Variants in CCNF observed in about 807,000 individuals in gnomAD.
CCNF encodes cyclin-F.
CCNF carries 30 observed loss-of-function variants against 85.4 expected under a neutral mutation model. The ratio of observed to expected loss-of-function variants is 0.35; its 90% CI spans 0.26 to 0.48. The LOEUF is 0.48. Among genes scored for constraint, CCNF ranks in the 20% least tolerant of loss-of-function variants. CCNF has a pLI of 0.99. For synonymous variants in CCNF, 439 were observed against 425.1 expected, an observed-to-expected ratio of 1.03 and a Z score of -0.40; for missense variants, 919 against 1,010.4, an observed-to-expected ratio of 0.91 and a Z score of 1.23.
chr16:2,433,196 C>T, intron 3 of CCNF, 129 bp downstream of exon 3: 1 of 618,206 alleles, frequency 1.6e-6, no homozygotes, highest in Non-Finnish European at 2.9e-6. Context: ...GCCTCATACC[C>T]TGGGGAGTGA....
chr16:2,455,261 T>G (rs74622580), intron 15 of CCNF, 134 bp from the exon 16 acceptor site: 1 of 1,211,236 alleles, frequency 8.3e-7, no homozygotes, highest in Non-Finnish European at 1.1e-6. Flanking sequence ...CACCGGCATC[T>G]TCTTCGTAGC....
At position 2,451,085 on chromosome 16, in the gene CCNF, G is replaced by A. The variant is rs915185901; in HGVS notation, c.1487+1170G>A. On this transcript the variant is annotated intron_variant, in intron 13 of 16. Transcript: ENST00000397066. This position sits in a 1 kb window ranked among gnomAD's most constrained non-coding sequence, Gnocchi z 4.3. The stretch of plus-strand genomic sequence containing the variant: ...TCGCCACATCTAAGCCCCTTCACTC[G>A]CCCTGGCAGCTTCCCTTCAGCCCAC... 3.3e-5 allele frequency among the ~76,000 whole-genome samples: 5 copies of A among 152,178 alleles called. No individual in the cohort carries two copies. Among genetic ancestry groups the A allele is most frequent in the Non-Finnish European group, 7.3e-5 (5 of 68,034 alleles).
At chr16:2,450,642 G>T (rs1382490516) in intron 13 of CCNF, among the ~76,000 whole-genome samples, 1 of 152,148 alleles carries the variant, frequency 6.6e-6, no homozygotes, top group Admixed American at 6.5e-5. Context: ...TCCCTGACCC[G>T]TGGTAACTTG....
At chr16:2,444,501 C>T (rs1381820063) in intron 9 of CCNF, among the ~76,000 whole-genome samples, 2 of 151,038 alleles carry the variant, frequency 1.3e-5, no homozygotes. Context: ...GGGGTTTCAT[C>T]GTATTAGCCA....
chr16:2,446,986 G>A (rs189879148), intron 10 of CCNF, among the ~76,000 whole-genome samples: 1 of 152,304 alleles, frequency 6.6e-6, no homozygotes, highest in Admixed American at 6.5e-5. Flanking sequence ...CCTGCCACAA[G>A]CATCCAGAGC....
intron 8 of CCNF, among the ~76,000 whole-genome samples, chr16:2,441,939 A>T (rs1466927613): frequency 4.1e-5 from 1 of 24,646 alleles, no homozygotes; most frequent in Admixed American, 3.1e-4. Context: ...TTAGCAAATT[A>T]TATATATATA....
chr16:2,442,962 T>C (rs1205393671), intron 8 of CCNF, among the ~76,000 whole-genome samples: 2 of 102,578 alleles, frequency 1.9e-5, no homozygotes, highest in Non-Finnish European at 3.5e-5. Context: ...TATATATTTT[T>C]ATATATTTAT....
In CCNF at chr16:2,433,073, T is replaced by A. The variant is rs753932077; in HGVS notation, c.278+6T>A. 6.3e-7 allele frequency: 1 copy of A among 1,581,830 alleles called. No individual in the cohort carries two copies. ...AACCTGAAGCTCTTTGAAAGGTATC[T>A]CTGCACCCTGAGAATGGCTCAGTCT... On this transcript the variant is annotated splice_donor_region_variant and intron_variant, in intron 3 of 16. Coordinates refer to ENST00000397066, the MANE Select transcript of CCNF (RefSeq NM_001761.3).
intron 10 of CCNF, 76 bp from the exon 11 acceptor site, chr16:2,448,779 A>G: frequency 7.1e-7 from 1 of 1,417,800 alleles, no homozygotes; most frequent in South Asian, 1.2e-5. Context: ...GAGGCCTCCT[A>G]AAGCCTTGGG....
Position 2,449,923 on chromosome 16 carries a change from T to C in CCNF, c.1487+8T>C, listed in dbSNP as rs368874011. The C allele has an allele frequency of 1.6e-4, 251 of 1,606,300 alleles. No homozygotes were observed. The highest frequency in any genetic ancestry group is 6.0e-4 in the Admixed American group (36 of 59,960). ...GAGCCTCCATAAGAAGTGGTGAGTTTTGGCCGGGCGCAGAGGCTCATGCCT... is the reference window on the plus strand; with the variant it reads ...GAGCCTCCATAAGAAGTGGTGAGTTCTGGCCGGGCGCAGAGGCTCATGCCT... On this transcript the variant is annotated splice_region_variant and intron_variant, in intron 13 of 16. Transcript: ENST00000397066.
intron 1 of CCNF, 177 bp from the exon 2 acceptor site, chr16:2,430,953 C>T: frequency 1.3e-6 from 1 of 776,756 alleles, no homozygotes; most frequent in Admixed American, 1.7e-5. Context: ...TGCAATGCCA[C>T]TCCTTTACAT....
chr16:2,445,727 TTG>T lies in CCNF; in HGVS notation c.1094+107_1094+108del. On this transcript the variant is annotated intron_variant, in intron 10 of 16. Transcript: ENST00000397066. ...CTCACTGGTTTGGTTTTGTTTTGTG[TTG>T]TTTTTTTTTTTTTCCCGAGACCAAG... 3.3e-4 allele frequency: 276 copies of T among 839,862 alleles called. 3 individuals carry two copies. The highest frequency in any genetic ancestry group is 6.6e-4 in the Admixed American group (12 of 18,274). The allele number at this position is 839,862 out of a possible 1,614,324, so 52.0% of individuals were successfully genotyped here.
At chr16:2,435,740 T>G (rs992740598) in intron 3 of CCNF, 66 bp from the exon 4 acceptor site, 20 of 1,033,606 alleles carry the variant, frequency 1.9e-5, no homozygotes, top group Non-Finnish European at 3.0e-5. Context: ...CTTCTTCAAG[T>G]GCTGTAGTAG....
intron 1 of CCNF, 52 bp downstream of exon 1, chr16:2,429,549 C>T (rs1218377685): frequency 1.6e-6 from 2 of 1,225,024 alleles, no homozygotes; most frequent in South Asian, 4.1e-5. Context: ...CTTCTGCCTG[C>T]CCTGCGGGGC....
intron 3 of CCNF, 104 bp downstream of exon 3, chr16:2,433,171 G>A (rs1314309277): frequency 2.8e-6 from 2 of 711,604 alleles, no homozygotes. Context: ...TCCTGTTGCT[G>A]TCTCCCATGA....
Position 2,456,273 on chromosome 16 carries a change from G to A in CCNF, c.1886-272G>A. 2.4e-6 allele frequency: 1 copy of A among 417,092 alleles called. No homozygotes were observed. The highest frequency in any genetic ancestry group is 4.6e-5 in the South Asian group (1 of 21,974). 25.8% of individuals were successfully genotyped at this position (417,092 alleles called of 1,614,324 possible). On this transcript the variant is annotated intron_variant, in intron 16 of 16. Coordinates refer to ENST00000397066, the MANE Select transcript of CCNF (RefSeq NM_001761.3). This position sits in a 1 kb window ranked among gnomAD's most constrained non-coding sequence, Gnocchi z 4.5. ...CTTGCCAGAAGCCCAGTTAGTGTGA[G>A]TCCTGTCAGTTTCCCGGTTGCTTGC...
intron 15 of CCNF, among the ~76,000 whole-genome samples, chr16:2,455,078 A>C (rs911834863): frequency 2.6e-5 from 4 of 151,782 alleles, no homozygotes; most frequent in East Asian, 1.9e-4. Context: ...AAAAAAAAAA[A>C]AAAACACTGG....
At chr16:2,448,020 G>T (rs553697255) in intron 10 of CCNF, among the ~76,000 whole-genome samples, 35 of 152,324 alleles carry the variant, frequency 2.3e-4, no homozygotes, top group Middle Eastern at 3.4e-3. Context: ...GGTGCCTTGC[G>T]GGGGGCCGCT....
rs913172403 is a variant in CCNF at position 2,448,880 on chromosome 16, A to G, written c.1120A>G (p.Ile374Val). 1.2e-6 allele frequency: 2 copies of G among 1,613,796 alleles called. No homozygotes were observed. Among genetic ancestry groups the G allele is most frequent in the Non-Finnish European group, 8.5e-7 (1 of 1,179,796 alleles). Residue 374 changes from isoleucine (I) to valine (V), a missense_variant, in exon 11 of 17, where the codon ATC becomes GTC. By Grantham distance (29) the Ile-to-Val change is conservative. Around this residue, in one of 3 missense-constraint regions of CCNF, gnomAD observed 410 missense variants for 478.6 expected, o/e 0.86. Coordinates refer to ENST00000397066, the MANE Select transcript of CCNF (RefSeq NM_001761.3). ...GTTTATCAGTAAAGAGATCCTGACC[A>G]TCCGGGAGGCCGTATGGCTCACGGA... is the stretch of plus-strand genomic sequence containing the variant. ...TRFISKEILT[I>V]REAVWLTDNT...
Sources: allele counts gnomAD v4.1 joint callset (sites outside exome capture counted in the v4.1 genomes callset), GRCh38; gene constraint gnomAD v4.1.1; regional missense constraint gnomAD v4.1.1; non-coding constraint Gnocchi (gnomAD v3.1); transcripts MANE v1.5; gene names NCBI Gene and HGNC (gene_info 2026-07-23, HGNC 2026-07-21).